Variants in ASAP1 observed in about 807,000 individuals in gnomAD.
The protein encoded by ASAP1 is ArfGAP with SH3 domain, ankyrin repeat and PH domain 1.
A neutral mutation model predicts 145.2 loss-of-function variants in ASAP1; 43 were observed. The ratio of observed to expected loss-of-function variants is 0.30; its 90% CI spans 0.23 to 0.38. ASAP1 has a LOEUF of 0.38. Among genes scored for constraint, ASAP1 ranks in the 10% least tolerant of loss-of-function variants. ASAP1 has a pLI of 1.00. For synonymous variants in ASAP1, 546 were observed against 515.5 expected, an observed-to-expected ratio of 1.06 and a Z score of -0.80; for missense variants, 1,018 against 1,355.3, an observed-to-expected ratio of 0.75 and a Z score of 3.91.
intron 1 of ASAP1, among the ~76,000 whole-genome samples, chr8:130,431,764 A>C (rs1358421550): frequency 1.3e-5 from 2 of 151,664 alleles, no homozygotes; most frequent in African/African-American, 4.9e-5. Flanking sequence ...TATGCAGCAC[A>C]ACAGCTGGCA....
chr8:130,304,967 C>G (rs764441921), intron 3 of ASAP1, among the ~76,000 whole-genome samples: 1 of 151,980 alleles, frequency 6.6e-6, no homozygotes, highest in African/African-American at 2.4e-5. Context: ...GCTCCTGCCA[C>G]CTTTCCAACC....
intron 24 of ASAP1, among the ~76,000 whole-genome samples, chr8:130,106,447 TC>T (rs1253988435): frequency 2.0e-5 from 3 of 152,186 alleles, no homozygotes; most frequent in African/African-American, 7.2e-5. Flanking sequence ...CTACTCTTCT[TC>T]CTATCTACTG....
intron 3 of ASAP1, among the ~76,000 whole-genome samples, chr8:130,240,397 A>C (rs1453606885): frequency 6.6e-6 from 1 of 152,124 alleles, no homozygotes; most frequent in East Asian, 1.9e-4. Flanking sequence ...GACAGGGGAT[A>C]CTGTCCTTCA....
chr8:130,070,880 A>G (rs1178770129), intron 27 of ASAP1, among the ~76,000 whole-genome samples: 2 of 28,710 alleles, frequency 7.0e-5, no homozygotes, highest in African/African-American at 3.6e-4. Context: ...AGAGAGGGAG[A>G]GAGGGAGAGA....
chr8:130,228,284 A>T (rs148278942), intron 4 of ASAP1, among the ~76,000 whole-genome samples: 1 of 152,122 alleles, frequency 6.6e-6, no homozygotes, highest in African/African-American at 2.4e-5. Flanking sequence ...CATGACCTCA[A>T]CTAGGCTTCT....
chr8:130,429,232 A>T (rs954500952), intron 1 of ASAP1, among the ~76,000 whole-genome samples: 1 of 152,174 alleles, frequency 6.6e-6, no homozygotes, highest in Admixed American at 6.5e-5. Flanking sequence ...ATAAAAACAC[A>T]ATCTGAGGTT....
intron 3 of ASAP1, among the ~76,000 whole-genome samples, chr8:130,243,456 T>C (rs866819083): frequency 6.6e-6 from 1 of 152,150 alleles, no homozygotes. Context: ...TCTCTCTCTC[T>C]TTGGAGGAAG....
chr8:130,367,040 C>T (rs1222825794), intron 2 of ASAP1, among the ~76,000 whole-genome samples: 5 of 151,646 alleles, frequency 3.3e-5, no homozygotes, highest in East Asian at 1.9e-4. Context: ...CACAGGTGTG[C>T]GCCACCACAC....
intron 19 of ASAP1, 74 bp downstream of exon 19, chr8:130,118,412 TATA>T: frequency 6.8e-7 from 1 of 1,461,514 alleles, no homozygotes; most frequent in Non-Finnish European, 9.3e-7. Context: ...CATTATATGG[TATA>T]ATGTTAAAAT....
At chr8:130,401,848 C>A in intron 2 of ASAP1, 37 bp downstream of exon 2, 1 of 1,594,876 alleles carries the variant, frequency 6.3e-7, no homozygotes, top group South Asian at 1.1e-5. Context: ...TCTCCCACGC[C>A]GAGTTTTCTG....
chr8:130,251,684 A>T (rs1377658296), intron 3 of ASAP1, among the ~76,000 whole-genome samples: 1 of 152,196 alleles, frequency 6.6e-6, no homozygotes, highest in Non-Finnish European at 1.5e-5. Context: ...CATACTTAGG[A>T]TGTAGAATTC....
chr8:130,353,499 T>C (rs1826121591), intron 3 of ASAP1, among the ~76,000 whole-genome samples: 1 of 152,246 alleles, frequency 6.6e-6, no homozygotes, highest in Non-Finnish European at 1.5e-5. Context: ...AAGTCTCCTA[T>C]GTTCCCTATA....
chr8:130,107,564 T>C (rs4319146), intron 24 of ASAP1, among the ~76,000 whole-genome samples: 6,614 of 142,460 alleles, frequency 0.046, 196 homozygotes, highest in Non-Finnish European at 0.065. Flanking sequence ...GTATGTATTT[T>C]TGAGATAGAG....
intron 11 of ASAP1, among the ~76,000 whole-genome samples, chr8:130,167,203 C>T (rs903500854): frequency 4.0e-5 from 6 of 151,760 alleles, no homozygotes; most frequent in Admixed American, 6.6e-5. Context: ...ACCTGGGAGG[C>T]TGAGGTGGAA....
At chr8:130,286,983 A>G (rs1469617643) in intron 3 of ASAP1, among the ~76,000 whole-genome samples, 1 of 152,194 alleles carries the variant, frequency 6.6e-6, no homozygotes, top group Non-Finnish European at 1.5e-5. Context: ...AAAAAGGCGA[A>G]TGAGCACAAT....
chr8:130,259,521 G>C (rs936013977), intron 3 of ASAP1, among the ~76,000 whole-genome samples: 1 of 152,174 alleles, frequency 6.6e-6, no homozygotes, highest in African/African-American at 2.4e-5. Flanking sequence ...AACAAAAAAA[G>C]CAGGGCTCTG....
chr8:130,120,254 T>C (rs2097563589), intron 18 of ASAP1, among the ~76,000 whole-genome samples: 1 of 152,234 alleles, frequency 6.6e-6, no homozygotes, highest in South Asian at 2.1e-4. Context: ...AAGCCTGGCT[T>C]CTGAGGCCTC....
intron 3 of ASAP1, among the ~76,000 whole-genome samples, chr8:130,302,179 T>C (rs907386158): frequency 6.6e-6 from 1 of 152,258 alleles, no homozygotes; most frequent in Admixed American, 6.5e-5. Flanking sequence ...TGAAAAACCA[T>C]GTACAACTTT....
chr8:130,390,871 T>G (rs1828245306), intron 2 of ASAP1, among the ~76,000 whole-genome samples: 1 of 152,096 alleles, frequency 6.6e-6, no homozygotes, highest in African/African-American at 2.4e-5. Flanking sequence ...AGCCTGGCTG[T>G]TCCTCAAAAA....
Sources: gnomAD v4.1 joint callset for allele counts (sites outside exome capture counted in the v4.1 genomes callset) on GRCh38, gnomAD v4.1.1 for gene constraint, MANE v1.5 for transcripts, NCBI Gene and HGNC (gene_info 2026-07-23, HGNC 2026-07-21) for gene names.